Variants in TMEM106B observed in about 807,000 individuals in gnomAD.
The protein encoded by TMEM106B is transmembrane protein 106B.
TMEM106B carries 15 observed loss-of-function variants against 31.1 expected under a neutral mutation model. The observed-to-expected ratio is 0.48, with a 90% CI of 0.32 to 0.74. TMEM106B has a LOEUF of 0.74. TMEM106B is among the 30% of genes least tolerant of loss of function. TMEM106B has a pLI of 0.03. For missense variants in TMEM106B, 283 were observed against 327.3 expected (o/e 0.86, Z 1.04); for synonymous variants, 126 against 112.5 (o/e 1.12, Z -0.76).
rs1422634364 is a variant in TMEM106B, at chr7:12,239,272, CAT to C, written c.*7299_*7300del. 1.3e-5 allele frequency: 2 copies of C among 152,166 alleles called. No homozygotes were observed. The highest frequency in any genetic ancestry group is 4.8e-5 in the African/African-American group (2 of 41,438). The allele number at this position is 152,166 out of a possible 1,614,324, so 9.4% of individuals were successfully genotyped here. On this transcript the variant is annotated 3_prime_UTR_variant, in exon 8 of 8. Coordinates refer to ENST00000396668, the MANE Select transcript of TMEM106B (RefSeq NM_001134232.2). ...TAGCTTCCTCATCTCTCTCAGCCTTCATAGAATTGAAGCGTGTTAGGGCTTTG... is the reference window on the plus strand; with the variant it reads ...TAGCTTCCTCATCTCTCTCAGCCTTCAGAATTGAAGCGTGTTAGGGCTTTG...
Position 12,237,849 on chromosome 7 carries a change from ACACACACT to A in TMEM106B, c.*5875_*5882del, listed in dbSNP as rs1782170377. On this transcript the variant is annotated 3_prime_UTR_variant, in exon 8 of 8. Transcript: ENST00000396668. ...CACACACACACACACACACACACAC[ACACACACT>A]ATTGCTAAAAAATGTTAACGATCAT... 1 of 150,952 alleles carries A rather than the reference ACACACACT, an allele frequency of 6.6e-6. No individual in the cohort carries two copies. The highest frequency in any genetic ancestry group is 1.9e-4 in the East Asian group (1 of 5,162). The allele number at this position is 150,952 out of a possible 1,614,324, so 9.4% of individuals were successfully genotyped here. A position where few individuals can be genotyped will look rare whatever the true frequency, so the allele number is the denominator to read the frequency against.
chr7:12,231,157 A>G, intron 7 of TMEM106B, 42 bp downstream of exon 7: 1 of 1,463,246 alleles, frequency 6.8e-7, no homozygotes, highest in South Asian at 1.2e-5. Flanking sequence ...GCTTGTTAAC[A>G]TTTTGGATTT....
rs1273610197 is a variant in TMEM106B at position 12,236,230 on chromosome 7, A to C, written c.*4255A>C. 6.6e-6 allele frequency: 1 copy of C among 151,944 alleles called. No homozygotes were observed. The highest frequency in any genetic ancestry group is 1.9e-4 in the East Asian group (1 of 5,184). The allele number at this position is 151,944 out of a possible 1,614,324, so 9.4% of individuals were successfully genotyped here. A position where few individuals can be genotyped will look rare whatever the true frequency, so the allele number is the denominator to read the frequency against. Reference sequence around the variant, plus strand: ...TGTGCTTAGTCGGAATACAAATTTCACAGTGGATTTTTGAAGTTTGTCCTT... The same window carrying C: ...TGTGCTTAGTCGGAATACAAATTTCCCAGTGGATTTTTGAAGTTTGTCCTT... On this transcript the variant is annotated 3_prime_UTR_variant, in exon 8 of 8. Coordinates refer to ENST00000396668, the MANE Select transcript of TMEM106B (RefSeq NM_001134232.2).
At chr7:12,230,961 T>C (rs1782009779) in intron 6 of TMEM106B, 101 bp from the exon 7 acceptor site, 1 of 713,462 alleles carries the variant, frequency 1.4e-6, no homozygotes, top group Middle Eastern at 4.2e-4. Context: ...CAAATGCTTA[T>C]TATATTTCTT....
chr7:12,213,278 T>TCC (rs397767832), intron 1 of TMEM106B, among the ~76,000 whole-genome samples: 2 of 151,604 alleles, frequency 1.3e-5, no homozygotes, highest in African/African-American at 4.8e-5. Context: ...TAATTTTAAC[T>TCC]GTCAACTGTT....
chr7:12,211,902 T>G (rs953943817), intron 1 of TMEM106B, among the ~76,000 whole-genome samples: 2 of 152,202 alleles, frequency 1.3e-5, no homozygotes, highest in African/African-American at 4.8e-5. Context: ...CTCTCCAAAC[T>G]GAGTCTGATA....
At chr7:12,213,738 G>A (rs1048008949) in intron 1 of TMEM106B, among the ~76,000 whole-genome samples, 28 of 152,092 alleles carry the variant, frequency 1.8e-4, no homozygotes, top group Non-Finnish European at 3.7e-4. Context: ...TATTTTGATT[G>A]GATATAATCC....
rs1005360641 is a variant in TMEM106B, at chr7:12,236,631, A to G, written c.*4656A>G. ...CTACCATGTAGACTGTTATAGTTCA[A>G]ATTGTCCCACTTCACCCAGAATTTT... On this transcript the variant is annotated 3_prime_UTR_variant, in exon 8 of 8. Coordinates refer to ENST00000396668, the MANE Select transcript of TMEM106B (RefSeq NM_001134232.2). 9.2e-5 allele frequency: 14 copies of G among 151,966 alleles called. No homozygotes were observed. The highest frequency in any genetic ancestry group is 2.2e-4 in the African/African-American group (9 of 41,420). The allele number at this position is 151,966 out of a possible 1,614,324, so 9.4% of individuals were successfully genotyped here. A position where few individuals can be genotyped will look rare whatever the true frequency, so the allele number is the denominator to read the frequency against.
At position 12,234,154 on chromosome 7, in the gene TMEM106B, ACC is replaced by A. The variant is rs1168719126; in HGVS notation, c.*2180_*2181del. 1.3e-5 allele frequency: 2 copies of A among 151,768 alleles called. No homozygotes were observed. The highest frequency in any genetic ancestry group is 2.1e-4 in the South Asian group (1 of 4,822). The allele number at this position is 151,768 out of a possible 1,614,324, so 9.4% of individuals were successfully genotyped here. On this transcript the variant is annotated 3_prime_UTR_variant, in exon 8 of 8. Transcript: ENST00000396668. ...CTTGTTTTCTTGCTTGTGTCTTTTA[ACC>A]TTGGAAAATTACATCGTGTAAATTA...
intron 6 of TMEM106B, 52 bp downstream of exon 6, chr7:12,230,490 AATAAAGT>A (rs757366288): frequency 4.9e-5 from 59 of 1,215,750 alleles, no homozygotes; most frequent in African/African-American, 6.2e-5. Flanking sequence ...AAGTGTATAA[AATAAAGT>A]ATAAAGAGTA....
chr7:12,226,730 G>A (rs1247619572), intron 4 of TMEM106B, among the ~76,000 whole-genome samples: 1 of 151,992 alleles, frequency 6.6e-6, no homozygotes, highest in African/African-American at 2.4e-5. Context: ...TATTCTTATT[G>A]CTTTCTGTCA....
chr7:12,216,088 T>C (rs1466820560), intron 2 of TMEM106B, among the ~76,000 whole-genome samples: 2 of 152,202 alleles, frequency 1.3e-5, no homozygotes, highest in Admixed American at 6.5e-5. Flanking sequence ...TGGGTTTGAA[T>C]TGAAGTTTAC....
chr7:12,242,582 T>A lies in TMEM106B; in HGVS notation c.*10607T>A, dbSNP rs1056581139. 1.7e-4 allele frequency: 26 copies of A among 152,122 alleles called. No homozygotes were observed. Among genetic ancestry groups the A allele is most frequent in the Non-Finnish European group, 3.7e-4 (25 of 68,014 alleles). The allele number at this position is 152,122 out of a possible 1,614,324, so 9.4% of individuals were successfully genotyped here. On this transcript the variant is annotated 3_prime_UTR_variant, in exon 8 of 8. Transcript: ENST00000396668. Reference sequence around the variant, plus strand: ...TCACAGAGAGTGTTTTACTGAAATATAAACTTTTATGCATCTGATATTATC... The same window carrying A: ...TCACAGAGAGTGTTTTACTGAAATAAAAACTTTTATGCATCTGATATTATC...
In TMEM106B at chr7:12,235,952, TC is replaced by T. The variant is rs1450966217; in HGVS notation, c.*3978del. 2 of 150,876 alleles carry T rather than the reference TC, an allele frequency of 1.3e-5. No homozygotes were observed. The highest frequency in any genetic ancestry group is 4.9e-5 in the African/African-American group (2 of 40,980). 9.3% of individuals were successfully genotyped at this position (150,876 alleles called of 1,614,324 possible). Reference sequence around the variant, plus strand: ...TATAAGAGTAATTAGTTTTATTCTCTCTTTTTTATAAAATCGGGTTTCAGAT... The same window carrying T: ...TATAAGAGTAATTAGTTTTATTCTCTTTTTTTATAAAATCGGGTTTCAGAT... On this transcript the variant is annotated 3_prime_UTR_variant, in exon 8 of 8. Transcript: ENST00000396668.
At chr7:12,229,640 T>A in intron 4 of TMEM106B, 39 bp from the exon 5 acceptor site, 11 of 1,277,912 alleles carry the variant, frequency 8.6e-6, no homozygotes, top group Non-Finnish European at 1.2e-5. Flanking sequence ...TTGTATATTT[T>A]TAGCTAACTT....
intron 4 of TMEM106B, 49 bp from the exon 5 acceptor site, chr7:12,229,630 T>TTTTA: frequency 1.7e-6 from 2 of 1,195,808 alleles, no homozygotes; most frequent in Non-Finnish European, 2.2e-6. Context: ...AAATACATAT[T>TTTTA]TGTATATTTT....
intron 6 of TMEM106B, 159 bp downstream of exon 6, chr7:12,230,597 TATATA>T (rs2128527603): frequency 3.9e-6 from 2 of 517,872 alleles, no homozygotes; most frequent in Admixed American, 3.8e-5. Flanking sequence ...TTTTTCAACA[TATATA>T]ATATTCATGT....
chr7:12,214,788 A>G, intron 1 of TMEM106B, 21 bp from the exon 2 acceptor site: 14 of 1,568,672 alleles, frequency 8.9e-6, no homozygotes, highest in African/African-American at 6.8e-5. Context: ...AGTTTACTGT[A>G]AGATTTTTAT....
intron 3 of TMEM106B, among the ~76,000 whole-genome samples, chr7:12,221,165 C>A (rs1490399390): frequency 6.6e-6 from 1 of 151,696 alleles, no homozygotes; most frequent in Non-Finnish European, 1.5e-5. Context: ...TCAAAAGTAA[C>A]TGCCAAAAAT....
Sources: gnomAD v4.1 joint callset for allele counts (sites outside exome capture counted in the v4.1 genomes callset) on GRCh38, gnomAD v4.1.1 for gene constraint, MANE v1.5 for transcripts, NCBI Gene and HGNC (gene_info 2026-07-23, HGNC 2026-07-21) for gene names.